The following ZNF567 variants were observed in gnomAD, a reference collection of about 807,000 sequenced individuals.
The protein encoded by ZNF567 is zinc finger protein 567.
ZNF567 carries 36 observed loss-of-function variants against 53.9 expected under a neutral mutation model. That is an observed-to-expected ratio of 0.67 (90% confidence interval 0.51 to 0.88). The LOEUF (loss-of-function observed/expected upper bound fraction) is 0.88, where lower values mean the gene tolerates loss of function less well. ZNF567 is among the 40% of genes least tolerant of loss of function. ZNF567 has a pLI of 0.00. For missense variants in ZNF567, 619 were observed against 764.7 expected (o/e 0.81, Z 2.25); for synonymous variants, 224 against 260.4 (o/e 0.86, Z 1.35).
intron 5 of ZNF567, among the ~76,000 whole-genome samples, chr19:36,713,499 A>G (rs955503112): frequency 2.0e-5 from 3 of 151,440 alleles, no homozygotes; most frequent in African/African-American, 7.3e-5. Flanking sequence ...GGTTCCAGCT[A>G]CTCAGAAGGT....
At chr19:36,672,989 G>A in the ZNF567 span, among the ~76,000 whole-genome samples, 1 of 152,172 alleles carries the variant, frequency 6.6e-6, no homozygotes, top group Non-Finnish European at 1.5e-5. Context: ...ATTTTATAAT[G>A]AATGTGTATA....
At chr19:36,723,345 G>A, downstream of ZNF567, 1 of 680,378 alleles carries the variant, frequency 1.5e-6, no homozygotes, top group Non-Finnish European at 2.7e-6. Context: ...AGTATCTGTG[G>A]CATCACTGCA....
chr19:36,681,602 T>C, the ZNF567 span, among the ~76,000 whole-genome samples: 1 of 151,958 alleles, frequency 6.6e-6, no homozygotes, highest in Non-Finnish European at 1.5e-5. Context: ...TAATTTTTTG[T>C]ATTTTTTTGT....
intron 5 of ZNF567, among the ~76,000 whole-genome samples, chr19:36,715,306 G>GA (rs1285420930): frequency 6.0e-5 from 9 of 149,450 alleles, no homozygotes; most frequent in African/African-American, 2.2e-4. Context: ...GATTACAGGT[G>GA]CCCACCACCA....
intron 3 of ZNF567, among the ~76,000 whole-genome samples, chr19:36,703,156 A>C (rs2039300585): frequency 6.6e-6 from 1 of 152,168 alleles, no homozygotes; most frequent in South Asian, 2.1e-4. Flanking sequence ...CAGGACCCTC[A>C]GCTGCAGGTC....
At chr19:36,670,272 C>A in the ZNF567 span, among the ~76,000 whole-genome samples, 1 of 152,108 alleles carries the variant, frequency 6.6e-6, no homozygotes, top group South Asian at 2.1e-4. Flanking sequence ...ACTAAATCTA[C>A]TTAGTAACCG....
In ZNF567 at chr19:36,720,491, T is replaced by G; in HGVS notation, c.1767T>G (p.Tyr589Ter). Residue 589 changes from tyrosine (Y) to a stop codon, truncating the protein, a stop_gained, in exon 6 of 6, where the codon TAT becomes TAG. Coordinates refer to ENST00000682579, the MANE Select transcript of ZNF567 (RefSeq NM_001322917.1). LOFTEE classifies it high-confidence loss of function. ...HQRTHTGEKPYKCSECGKCFR... is the reference protein window; with the variant it reads ...HQRTHTGEKP ...GAACTCATACGGGAGAGAAACCATA[T>G]AAATGTAGTGAATGTGGAAAGTGCT... is the stretch of plus-strand genomic sequence containing the variant. 1 of 1,613,962 alleles carries G rather than the reference T, an allele frequency of 6.2e-7. No homozygotes were observed. The highest frequency in any genetic ancestry group is 8.5e-7 in the Non-Finnish European group (1 of 1,179,964).
chr19:36,688,676 G>C (rs1310048738), intron 1 of ZNF567, among the ~76,000 whole-genome samples: 1 of 151,606 alleles, frequency 6.6e-6, no homozygotes, highest in Non-Finnish European at 1.5e-5. Flanking sequence ...GCGTGGTGGC[G>C]GGCGCCTGTA....
chr19:36,703,327 C>G (rs1355025438), intron 3 of ZNF567, among the ~76,000 whole-genome samples: 1 of 151,018 alleles, frequency 6.6e-6, no homozygotes, highest in Non-Finnish European at 1.5e-5. Context: ...AGGTGTCAGT[C>G]TGCCCCTACT....
At chr19:36,723,138 C>T, downstream of ZNF567, 1 of 702,496 alleles carries the variant, frequency 1.4e-6, no homozygotes. Context: ...TGGTGACTAA[C>T]AGAAGAATTG....
At chr19:36,703,572 G>C (rs1248276290) in intron 3 of ZNF567, 2 of 152,936 alleles carry the variant, frequency 1.3e-5, no homozygotes, top group East Asian at 3.9e-4. Flanking sequence ...TTGAGCTGTG[G>C]TGGGCTCCAC....
the ZNF567 span, among the ~76,000 whole-genome samples, chr19:36,674,520 A>T: frequency 6.6e-6 from 1 of 152,142 alleles, no homozygotes; most frequent in Non-Finnish European, 1.5e-5. Flanking sequence ...CTGTCCTCTT[A>T]CTGATAGCAG....
chr19:36,675,356 C>T, the ZNF567 span, among the ~76,000 whole-genome samples: 1 of 151,690 alleles, frequency 6.6e-6, no homozygotes, highest in Non-Finnish European at 1.5e-5. Flanking sequence ...CTCTGGGAAA[C>T]AGAATGTGAC....
chr19:36,667,876 C>T, the ZNF567 span, among the ~76,000 whole-genome samples: 235 of 152,014 alleles, frequency 1.5e-3, no homozygotes, highest in African/African-American at 5.5e-3. Context: ...GTCTCGATCT[C>T]CTGACCTCGT....
chr19:36,715,152 CTATT>C (rs996105853), intron 5 of ZNF567, among the ~76,000 whole-genome samples: 1 of 151,764 alleles, frequency 6.6e-6, no homozygotes, highest in Non-Finnish European at 1.5e-5. Context: ...TTTTTCCCCA[CTATT>C]TATTTATTTA....
At position 36,719,524 on chromosome 19, in the gene ZNF567, T is replaced by C; in HGVS notation, c.800T>C (p.Val267Ala). ...GGGAAATCTTTCTGCAGGAAATCAG[T>C]ATTGATTCTGCATCAGGGAATTCAC... ...ECGKSFCRKS[V>A]LILHQGIHSE... The change falls in exon 6 of 6, where the codon GTA (valine) becomes GCA (alanine). Residue 267 changes from valine to alanine, a missense_variant. Physicochemically the swap from Val to Ala is moderately conservative, Grantham distance 64. Coordinates refer to ENST00000682579, the MANE Select transcript of ZNF567 (RefSeq NM_001322917.1). 6.2e-7 allele frequency: 1 copy of C among 1,613,858 alleles called. No individual in the cohort carries two copies. Among genetic ancestry groups the C allele is most frequent in the South Asian group, 1.1e-5 (1 of 91,040 alleles).
At chr19:36,723,443 T>G, downstream of ZNF567, 1 of 554,530 alleles carries the variant, frequency 1.8e-6, no homozygotes, top group Non-Finnish European at 3.2e-6. Context: ...TCCACTTTAT[T>G]TTCAAACATA....
In ZNF567 at chr19:36,715,521, T is replaced by A. The variant is rs12462376; in HGVS notation, c.223+2654T>A. Reference sequence around the variant, plus strand: ...TAATAATAATAATAATTATTATTATTATTATTATTATTATTATTATTATTT... The same window carrying A: ...TAATAATAATAATAATTATTATTATAATTATTATTATTATTATTATTATTT... On this transcript the variant is annotated intron_variant, in intron 5 of 5. Transcript: ENST00000682579. Among the ~76,000 whole-genome samples the A allele has an allele frequency of 4.1e-3, 381 of 91,940 alleles. 4 individuals are homozygous for A. The highest frequency in any genetic ancestry group is 0.025 in the Admixed American group (260 of 10,218). The allele number at this position is 91,940 out of a possible 152,430, so 60.3% of individuals were successfully genotyped here.
At chr19:36,673,567 C>G in the ZNF567 span, among the ~76,000 whole-genome samples, 1 of 152,164 alleles carries the variant, frequency 6.6e-6, no homozygotes, top group East Asian at 1.9e-4. Context: ...CGAATCACAA[C>G]TGTTTTCTGG....
Sources: allele counts gnomAD v4.1 joint callset (sites outside exome capture counted in the v4.1 genomes callset), GRCh38; gene constraint gnomAD v4.1.1; transcripts MANE v1.5; gene names NCBI Gene and HGNC (gene_info 2026-07-23, HGNC 2026-07-21).